GLG1: variants seen among roughly 807,000 people sequenced by gnomAD.
GLG1 encodes Golgi apparatus protein 1.
GLG1 carries 38 observed loss-of-function variants against 160.5 expected under a neutral mutation model. That is an observed-to-expected ratio of 0.24 (90% CI 0.18 to 0.31). The LOEUF (loss-of-function observed/expected upper bound fraction) is 0.31, where lower values mean the gene tolerates loss of function less well. GLG1 is among the 10% of genes least tolerant of loss of function. GLG1 has a pLI of 1.00. For missense variants in GLG1, 1,373 were observed against 1,505.2 expected, an observed-to-expected ratio of 0.91 and a Z score of 1.45; for synonymous variants, 644 against 543.4, an observed-to-expected ratio of 1.19 and a Z score of -2.57.
intron 1 of GLG1, among the ~76,000 whole-genome samples, chr16:74,540,070 A>T (rs56316143): frequency 0.16 from 107 of 670 alleles, 45 homozygotes; most frequent in South Asian, 1. Flanking sequence ...ATATATATAT[A>T]TTATATATAT....
At chr16:74,539,079 G>A (rs1394385682) in intron 1 of GLG1, among the ~76,000 whole-genome samples, 1 of 150,514 alleles carries the variant, frequency 6.6e-6, no homozygotes, top group Non-Finnish European at 1.5e-5. Context: ...CTGAGAAAGT[G>A]AGGGACCCCA....
chr16:74,562,613 C>G (rs1219934229), intron 1 of GLG1, among the ~76,000 whole-genome samples: 1 of 152,176 alleles, frequency 6.6e-6, no homozygotes, highest in African/African-American at 2.4e-5. Flanking sequence ...GCATGCGCCA[C>G]CACACCCAGC....
At chr16:74,581,206 G>T (rs1018821663) in intron 1 of GLG1, among the ~76,000 whole-genome samples, 1 of 152,140 alleles carries the variant, frequency 6.6e-6, no homozygotes, top group African/African-American at 2.4e-5. Context: ...ATTCACAGCA[G>T]CATTATTCAC....
chr16:74,539,367 T>C (rs536549685), intron 1 of GLG1, among the ~76,000 whole-genome samples: 200 of 152,278 alleles, frequency 1.3e-3, no homozygotes, highest in Admixed American at 1.9e-3. Context: ...ACAGACAAAT[T>C]AGAGCTCATT....
intron 4 of GLG1, among the ~76,000 whole-genome samples, chr16:74,497,594 C>T (rs1256109993): frequency 5.9e-5 from 9 of 151,910 alleles, no homozygotes; most frequent in Admixed American, 5.2e-4. Flanking sequence ...CCCGCCACCA[C>T]GCCCGGCTAA....
chr16:74,581,639 C>G (rs907940988), intron 1 of GLG1, among the ~76,000 whole-genome samples: 1 of 151,710 alleles, frequency 6.6e-6, no homozygotes, highest in African/African-American at 2.4e-5. Context: ...TAACAAAGAT[C>G]TTTCAAGATT....
At chr16:74,530,337 C>G (rs989836287) in intron 2 of GLG1, among the ~76,000 whole-genome samples, 1 of 152,156 alleles carries the variant, frequency 6.6e-6, no homozygotes, top group Admixed American at 6.5e-5. Flanking sequence ...TGTTTTATAG[C>G]TTGTTTTTAT....
At chr16:74,488,024 C>T (rs148364458) in intron 8 of GLG1, among the ~76,000 whole-genome samples, 97 of 152,242 alleles carry the variant, frequency 6.4e-4, no homozygotes, top group Non-Finnish European at 1.3e-3. Context: ...AGAGCCTGGG[C>T]CCACACTTAC....
At chr16:74,590,147 G>A (rs1358332735) in intron 1 of GLG1, among the ~76,000 whole-genome samples, 5 of 151,714 alleles carry the variant, frequency 3.3e-5, no homozygotes, top group African/African-American at 7.3e-5. Flanking sequence ...ACAGGCGCAC[G>A]CCACCACACC....
chr16:74,538,838 G>A (rs1459270730), intron 1 of GLG1, among the ~76,000 whole-genome samples: 1 of 149,464 alleles, frequency 6.7e-6, no homozygotes, highest in Non-Finnish European at 1.5e-5. Flanking sequence ...GGGGAAAGGA[G>A]GACTTGATAT....
At chr16:74,528,494 T>C (rs1391709574) in intron 2 of GLG1, among the ~76,000 whole-genome samples, 3 of 152,062 alleles carry the variant, frequency 2.0e-5, no homozygotes, top group Non-Finnish European at 4.4e-5. Context: ...TTTCTTTTTA[T>C]CTTTTCGTTT....
chr16:74,474,674 TACATGA>T, intron 12 of GLG1, 42 bp from the exon 13 acceptor site: 1 of 904,592 alleles, frequency 1.1e-6, no homozygotes, highest in Non-Finnish European at 1.9e-6. Context: ...ATCAGTCACA[TACATGA>T]ACAAGGCAAG....
rs1182814650 is a variant in GLG1, at chr16:74,543,681, C to G, written c.439-11528G>C. Among the ~76,000 whole-genome samples, 366 of 151,944 alleles carry G rather than the reference C, an allele frequency of 2.4e-3. 5 individuals carry two copies. Among genetic ancestry groups the G allele is most frequent in the South Asian group, 6.4e-3 (31 of 4,820 alleles). On this transcript the variant is annotated intron_variant, in intron 1 of 25. Coordinates refer to ENST00000422840, the MANE Select transcript of GLG1 (RefSeq NM_001145667.2). ...GTTTGGGAAATACTGATAAACTAAT[C>G]TAAATATTAACAAAGATGCAATCTA...
At chr16:74,487,298 C>T (rs949895591) in intron 8 of GLG1, among the ~76,000 whole-genome samples, 1 of 151,980 alleles carries the variant, frequency 6.6e-6, no homozygotes, top group African/African-American at 2.4e-5. Context: ...AAAACTGGAA[C>T]CCTGTTGTGT....
rs762158143 is a variant in GLG1 at position 74,606,794 on chromosome 16, G to A, written c.301C>T (p.Arg101Trp). Residue 101 changes from arginine to tryptophan, a missense_variant, in exon 1 of 26, where the codon CGG becomes TGG. By Grantham distance (101) the Arg-to-Trp change is moderately radical. Transcript: ENST00000422840. ...CCCCCACCAGCCCCCGCTCCTCCCC[G>A]CCGGGCCGGAGGCCCACCCGCCGGG... Reference protein sequence around the residue: ...PFPAGGPPARRGGAGAGGGWK... With the variant: ...PFPAGGPPARWGGAGAGGGWK... 4.4e-6 allele frequency: 7 copies of A among 1,599,114 alleles called. No individual in the cohort carries two copies. The highest frequency in any genetic ancestry group is 4.0e-5 in the African/African-American group (3 of 74,632).
In GLG1 at chr16:74,447,825, TC is replaced by T. The variant is rs2014128263; in HGVS notation, c.*5341del. On this transcript the variant is annotated 3_prime_UTR_variant, in exon 26 of 26. Coordinates refer to ENST00000422840, the MANE Select transcript of GLG1 (RefSeq NM_001145667.2). Reference sequence around the variant, plus strand: ...TGCAGGGGGACCTGGAGGGCCCATTTCTACCACCCTAGCATGTCTGACAGAA... The same window carrying T: ...TGCAGGGGGACCTGGAGGGCCCATTTTACCACCCTAGCATGTCTGACAGAA... The T allele has an allele frequency of 6.6e-6, 1 of 152,272 alleles. No individual in the cohort carries two copies. Among genetic ancestry groups the T allele is most frequent in the African/African-American group, 2.4e-5 (1 of 41,460 alleles). The allele number at this position is 152,272 out of a possible 1,614,324, so 9.4% of individuals were successfully genotyped here. A position where few individuals can be genotyped will look rare whatever the true frequency, so the allele number is the denominator to read the frequency against.
chr16:74,474,766 C>T, intron 12 of GLG1, 134 bp from the exon 13 acceptor site: 1 of 678,728 alleles, frequency 1.5e-6, no homozygotes, highest in Non-Finnish European at 2.7e-6. Context: ...CCTCACTGAA[C>T]AGGACACAAA....
chr16:74,558,351 T>C (rs971256544), intron 1 of GLG1, among the ~76,000 whole-genome samples: 7 of 152,238 alleles, frequency 4.6e-5, no homozygotes, highest in Non-Finnish European at 8.8e-5. Context: ...ATGTAACAGA[T>C]TGCTTTCAGG....
chr16:74,570,308 G>A (rs1668817892), intron 1 of GLG1, among the ~76,000 whole-genome samples: 1 of 151,984 alleles, frequency 6.6e-6, no homozygotes, highest in African/African-American at 2.4e-5. Flanking sequence ...CTCTCTACTG[G>A]TACCAGCAAA....
Sources: gnomAD v4.1 joint callset for allele counts (sites outside exome capture counted in the v4.1 genomes callset) on GRCh38, gnomAD v4.1.1 for gene constraint, MANE v1.5 for transcripts, NCBI Gene and HGNC (gene_info 2026-07-23, HGNC 2026-07-21) for gene names.